Variants in NR3C1 observed in about 807,000 individuals in gnomAD.
The protein encoded by NR3C1 is glucocorticoid receptor.
Under a neutral mutation model 74.0 loss-of-function variants are expected in NR3C1, and 14 were observed. The observed-to-expected ratio is 0.19, with a 90% CI of 0.12 to 0.30. The LOEUF is 0.30. Among genes scored for constraint, NR3C1 ranks in the 10% least tolerant of loss-of-function variants. The probability of loss-of-function intolerance (pLI) is 1.00; values close to 1 mark genes in which losing one functional copy is unlikely to be tolerated. For missense variants in NR3C1, 695 were observed against 909.8 expected (o/e 0.76, Z 3.04); for synonymous variants, 308 against 332.5 (o/e 0.93, Z 0.80).
chr5:143,371,585 C>G (rs1302407559), intron 2 of NR3C1, among the ~76,000 whole-genome samples: 1 of 152,178 alleles, frequency 6.6e-6, no homozygotes. Flanking sequence ...AGCAAAAAAA[C>G]CGTGGGCTTG....
At chr5:143,416,701 G>A (rs932467624) in intron 1 of NR3C1, among the ~76,000 whole-genome samples, 2 of 152,136 alleles carry the variant, frequency 1.3e-5, no homozygotes, top group Non-Finnish European at 2.9e-5. Flanking sequence ...TTCTGGAAGA[G>A]ACAGGGAGGT....
At chr5:143,359,632 T>C (rs1831859864) in intron 2 of NR3C1, among the ~76,000 whole-genome samples, 1 of 152,170 alleles carries the variant, frequency 6.6e-6, no homozygotes. Context: ...AAATCAAGTT[T>C]TTAGCTGGAT....
At position 143,279,550 on chromosome 5, in the gene NR3C1, C is replaced by A; in HGVS notation, c.*2339G>T. 1 of 725,152 alleles carries A rather than the reference C, an allele frequency of 1.4e-6. No homozygotes were observed. Among genetic ancestry groups the A allele is most frequent in the East Asian group, 3.3e-5 (1 of 30,100 alleles). 44.9% of individuals were successfully genotyped at this position (725,152 alleles called of 1,614,324 possible). On this transcript the variant is annotated 3_prime_UTR_variant, in exon 9 of 9. Coordinates refer to ENST00000394464, the MANE Select transcript of NR3C1 (RefSeq NM_000176.3). ...ACACACCATCTTAAAATATTACATTCCCTTTTAGAGAGCATTCAAAAAGCA... is the reference window on the plus strand; with the variant it reads ...ACACACCATCTTAAAATATTACATTACCTTTTAGAGAGCATTCAAAAAGCA...
chr5:143,402,551 G>C (rs970132312), intron 1 of NR3C1: 6 of 967,892 alleles, frequency 6.2e-6, no homozygotes, highest in Admixed American at 6.2e-5. Context: ...TTGCGGGGCG[G>C]GGGTGGAGAA....
intron 1 of NR3C1, among the ~76,000 whole-genome samples, chr5:143,415,713 A>G (rs1363045517): frequency 6.6e-6 from 1 of 152,204 alleles, no homozygotes; most frequent in Non-Finnish European, 1.5e-5. Flanking sequence ...GCCATGCTGC[A>G]ATGAATATTT....
At chr5:143,296,553 T>G (rs1817245065) in intron 6 of NR3C1, among the ~76,000 whole-genome samples, 1 of 152,150 alleles carries the variant, frequency 6.6e-6, no homozygotes, top group Non-Finnish European at 1.5e-5. Context: ...CTCATATAAC[T>G]GAAAATTTCA....
chr5:143,330,960 A>C (rs1825823136), intron 2 of NR3C1, among the ~76,000 whole-genome samples: 1 of 152,236 alleles, frequency 6.6e-6, no homozygotes, highest in Non-Finnish European at 1.5e-5. Context: ...AACTATTTTA[A>C]AATTCATATA....
At chr5:143,350,905 G>T (rs1236375384) in intron 2 of NR3C1, among the ~76,000 whole-genome samples, 1 of 152,164 alleles carries the variant, frequency 6.6e-6, no homozygotes, top group Non-Finnish European at 1.5e-5. Flanking sequence ...TAGGTTACTG[G>T]AAAGTGCCCA....
At chr5:143,365,350 T>C (rs1459684793) in intron 2 of NR3C1, among the ~76,000 whole-genome samples, 1 of 152,088 alleles carries the variant, frequency 6.6e-6, no homozygotes, top group Non-Finnish European at 1.5e-5. Flanking sequence ...AAATATTCCA[T>C]GCAAACAGTA....
At chr5:143,290,175 T>C (rs1295659916) in intron 7 of NR3C1, among the ~76,000 whole-genome samples, 1 of 152,262 alleles carries the variant, frequency 6.6e-6, no homozygotes, top group Admixed American at 6.5e-5. Context: ...TCTATTTTGC[T>C]TGGTAATAAT....
chr5:143,360,449 A>G (rs1200412572), intron 2 of NR3C1, among the ~76,000 whole-genome samples: 1 of 152,234 alleles, frequency 6.6e-6, no homozygotes, highest in Non-Finnish European at 1.5e-5. Flanking sequence ...ATGGCAATTT[A>G]AAAGAGAGTG....
intron 2 of NR3C1, among the ~76,000 whole-genome samples, chr5:143,335,269 A>T (rs1826889411): frequency 6.6e-6 from 1 of 152,156 alleles, no homozygotes; most frequent in African/African-American, 2.4e-5. Context: ...TACAGCTATG[A>T]TCCCCACACT....
intron 2 of NR3C1, among the ~76,000 whole-genome samples, chr5:143,340,133 G>T (rs1013276182): frequency 6.6e-6 from 1 of 152,098 alleles, no homozygotes. Flanking sequence ...TGGGACAAAA[G>T]ATGTGCAAGA....
intron 2 of NR3C1, among the ~76,000 whole-genome samples, chr5:143,354,224 C>T (rs1223217107): frequency 1.3e-5 from 2 of 152,240 alleles, no homozygotes; most frequent in African/African-American, 2.4e-5. Flanking sequence ...AAACTTTCTT[C>T]GTATCAGCAA....
chr5:143,369,785 G>A lies in NR3C1; in HGVS notation c.1184+29871C>T, dbSNP rs527534632. Reference sequence around the variant, plus strand: ...TCCAGAGGTTGAGAAACTGTTCTACGGTGAAGTTTAATCTATTAAAAAGCA... The same window carrying A: ...TCCAGAGGTTGAGAAACTGTTCTACAGTGAAGTTTAATCTATTAAAAAGCA... On this transcript the variant is annotated intron_variant, in intron 2 of 8. Coordinates refer to ENST00000394464, the MANE Select transcript of NR3C1 (RefSeq NM_000176.3). Among the ~76,000 whole-genome samples the A allele has an allele frequency of 4.6e-5, 7 of 152,228 alleles. No individual in the cohort carries two copies. The East Asian group carries it at 5.8e-4, about 13-fold the overall frequency.
At position 143,281,948 on chromosome 5, in the gene NR3C1, T is replaced by C. The variant is rs1813181716; in HGVS notation, c.2275A>G (p.Asn759Asp). The stretch of plus-strand genomic sequence containing the variant: ...CCATTTGAATATTTTGGTATCTGAT[T>C]GGTGATGATTTCAGCTAACATCTCG... The part of the protein sequence containing the change: ...FPEMLAEIIT[N>D]QIPKYSNGNI... Residue 759 changes from asparagine (N) to aspartate (D), a missense_variant, in exon 9 of 9, where the codon AAT (asparagine) becomes GAT (aspartate). Around this residue, in one of 4 missense-constraint regions of NR3C1, gnomAD observed 133 missense variants for 287.9 expected, o/e 0.46. Coordinates refer to ENST00000394464, the MANE Select transcript of NR3C1 (RefSeq NM_000176.3). 2 of 1,613,396 alleles carry C rather than the reference T, an allele frequency of 1.2e-6. No homozygotes were observed. Among genetic ancestry groups the C allele is most frequent in the South Asian group, 1.1e-5 (1 of 91,068 alleles).
intron 4 of NR3C1, among the ~76,000 whole-genome samples, chr5:143,302,187 T>C (rs1265316045): frequency 6.6e-6 from 1 of 152,116 alleles, no homozygotes; most frequent in Non-Finnish European, 1.5e-5. Context: ...CCCTACCTCA[T>C]AGGGTTGTTG....
chr5:143,350,676 T>C (rs1830077002), intron 2 of NR3C1, among the ~76,000 whole-genome samples: 2 of 152,104 alleles, frequency 1.3e-5, no homozygotes, highest in African/African-American at 4.8e-5. Flanking sequence ...TAAGGACAAA[T>C]GGTAACTGAA....
chr5:143,366,548 A>G (rs1833240682), intron 2 of NR3C1, among the ~76,000 whole-genome samples: 1 of 152,036 alleles, frequency 6.6e-6, no homozygotes, highest in Admixed American at 6.6e-5. Flanking sequence ...AAAACGGACA[A>G]AACTTTACTT....
Sources: gnomAD v4.1 joint callset for allele counts (sites outside exome capture counted in the v4.1 genomes callset) on GRCh38, gnomAD v4.1.1 for gene constraint, gnomAD v4.1.1 regional missense constraint, MANE v1.5 for transcripts, NCBI Gene and HGNC (gene_info 2026-07-23, HGNC 2026-07-21) for gene names.